ADAMTSL1: variants seen among roughly 807,000 people sequenced by gnomAD.
The protein encoded by ADAMTSL1 is ADAMTS like 1.
Under a neutral mutation model 201.8 loss-of-function variants are expected in ADAMTSL1, and 126 were observed. The ratio of observed to expected loss-of-function variants is 0.62; its 90% CI spans 0.54 to 0.72. The LOEUF (loss-of-function observed/expected upper bound fraction) is 0.72. Ranked by LOEUF, ADAMTSL1 falls within the 30% of genes least tolerant of loss-of-function variation. The pLI, the probability that ADAMTSL1 is intolerant of heterozygous loss-of-function variation, is 0.00. For synonymous variants in ADAMTSL1, 1,121 were observed against 903.4 expected, an observed-to-expected ratio of 1.24 and a Z score of -4.32; for missense variants, 2,679 against 2,277.8, an observed-to-expected ratio of 1.18 and a Z score of -3.59.
chr9:18,576,673 G>A (rs1376010160), intron 4 of ADAMTSL1, among the ~76,000 whole-genome samples: 2 of 152,050 alleles, frequency 1.3e-5, no homozygotes, highest in Non-Finnish European at 2.9e-5. Context: ...GGTGGCATGT[G>A]TTTGTTGTAA....
At chr9:18,517,291 C>G (rs1238383594) in intron 2 of ADAMTSL1, among the ~76,000 whole-genome samples, 2 of 151,886 alleles carry the variant, frequency 1.3e-5, no homozygotes, top group Non-Finnish European at 2.9e-5. Flanking sequence ...AAATGCATTG[C>G]AAGGACAAAC....
chr9:18,116,079 G>C (rs1366797043), intron 1 of ADAMTSL1, among the ~76,000 whole-genome samples: 1 of 152,240 alleles, frequency 6.6e-6, no homozygotes, highest in African/African-American at 2.4e-5. Flanking sequence ...GAGACCGTGG[G>C]TAATGTGACA....
rs980634512 is a variant in ADAMTSL1 at position 18,886,198 on chromosome 9, A to G, written c.4250-1633A>G. Among the ~76,000 whole-genome samples the G allele has an allele frequency of 4.1e-4, 56 of 136,022 alleles. 1 individual carries two copies. The East Asian group carries it at 9.0e-3, about 22-fold the overall frequency. The allele number at this position is 136,022 out of a possible 152,430, so 89.2% of individuals were successfully genotyped here. Reference sequence around the variant, plus strand: ...TATATATATATATATATATATATATATATATATATATATACACACACATAC... The same window carrying G: ...TATATATATATATATATATATATATGTATATATATATATACACACACATAC... On this transcript the variant is annotated intron_variant, in intron 23 of 28. Transcript: ENST00000380548.
chr9:18,138,147 G>T (rs1826237774), intron 1 of ADAMTSL1, among the ~76,000 whole-genome samples: 1 of 152,168 alleles, frequency 6.6e-6, no homozygotes, highest in South Asian at 2.1e-4. Context: ...TAAGGGAGGG[G>T]TGATGGAACT....
At chr9:18,722,775 G>A (rs1226342997) in intron 15 of ADAMTSL1, among the ~76,000 whole-genome samples, 4 of 152,138 alleles carry the variant, frequency 2.6e-5, no homozygotes, top group Non-Finnish European at 2.9e-5. Context: ...ATTCTCCAAG[G>A]CAACCATAAA....
Position 17,976,653 on chromosome 9 carries a change from T to TTC in ADAMTSL1, c.87+69742_87+69743dup, listed in dbSNP as rs1045140391. ...TTTTTGGTGAAGTCCTTAAGGTTCT[T>TTC]TCTCTCTCTCTCCACTCTCTCTTTC... On this transcript the variant is annotated intron_variant, in intron 1 of 29. Coordinates refer to the ADAMTSL1 transcript ENST00000680146. 3.0e-4 allele frequency among the ~76,000 whole-genome samples: 45 copies of TTC among 151,510 alleles called. 1 individual carries two copies. Among genetic ancestry groups the TTC allele is most frequent in the South Asian group, 2.1e-4 (1 of 4,790 alleles).
intron 2 of ADAMTSL1, among the ~76,000 whole-genome samples, chr9:18,191,499 T>A (rs1393362216): frequency 1.3e-5 from 2 of 152,156 alleles, no homozygotes; most frequent in African/African-American, 4.8e-5. Context: ...CCTCACAAGT[T>A]CAGCCTACAG....
intron 3 of ADAMTSL1, among the ~76,000 whole-genome samples, chr9:18,566,841 A>G (rs1821930176): frequency 1.3e-5 from 2 of 152,214 alleles, no homozygotes; most frequent in Admixed American, 1.3e-4. Context: ...AAGGGAAATT[A>G]GGAGACTATT....
chr9:18,832,281 C>G (rs1191203927), intron 23 of ADAMTSL1, among the ~76,000 whole-genome samples: 1 of 152,140 alleles, frequency 6.6e-6, no homozygotes, highest in Non-Finnish European at 1.5e-5. Flanking sequence ...ATCCCTGACT[C>G]CTATAGGTGG....
rs114444960 is a variant in ADAMTSL1 at position 18,164,753 on chromosome 9, C to T, written c.207+772C>T. On this transcript the variant is annotated intron_variant, in intron 2 of 29. Transcript: ENST00000680146. ...CAGAAAATAACATCTTAGAATACCC[C>T]CAAAACAAACATACAAGTGACTTTA... Among the ~76,000 whole-genome samples, 474 of 151,822 alleles carry T rather than the reference C, an allele frequency of 3.1e-3. 2 individuals carry two copies. The highest frequency in any genetic ancestry group is 0.01 in the African/African-American group (432 of 41,452).
intron 4 of ADAMTSL1, 96 bp from the exon 5 acceptor site, chr9:18,622,147 G>C: frequency 6.7e-7 from 1 of 1,488,730 alleles, no homozygotes; most frequent in Non-Finnish European, 9.1e-7. Context: ...GGCCCCTCAG[G>C]GATGAAGGGA....
intron 2 of ADAMTSL1, among the ~76,000 whole-genome samples, chr9:18,336,386 A>AAGTG (rs1835242931): frequency 6.6e-6 from 1 of 151,978 alleles, no homozygotes; most frequent in African/African-American, 2.4e-5. Flanking sequence ...ATCTAAGCTG[A>AAGTG]AGTGGAAAAA....
At chr9:18,734,120 T>C (rs770196014) in intron 15 of ADAMTSL1, among the ~76,000 whole-genome samples, 2 of 152,204 alleles carry the variant, frequency 1.3e-5, no homozygotes, top group Non-Finnish European at 2.9e-5. Flanking sequence ...AGGGCTTCAG[T>C]TTCTTCCTCT....
chr9:18,348,932 CTAAG>C (rs1455726800), intron 2 of ADAMTSL1, among the ~76,000 whole-genome samples: 13 of 152,128 alleles, frequency 8.5e-5, no homozygotes, highest in African/African-American at 2.4e-4. Context: ...AGTCATTTTA[CTAAG>C]TATTTACATA....
At chr9:17,947,204 A>G (rs1370674432) in intron 1 of ADAMTSL1, among the ~76,000 whole-genome samples, 2 of 151,182 alleles carry the variant, frequency 1.3e-5, no homozygotes, top group African/African-American at 4.8e-5. Context: ...TATATAAAGT[A>G]ATTAAAAACA....
chr9:18,174,421 G>A (rs1473630584), intron 2 of ADAMTSL1, among the ~76,000 whole-genome samples: 1 of 152,168 alleles, frequency 6.6e-6, no homozygotes, highest in African/African-American at 2.4e-5. Context: ...TCTGCACAGA[G>A]GGGTGCTGAG....
chr9:18,384,632 C>T (rs1242045679), intron 2 of ADAMTSL1, among the ~76,000 whole-genome samples: 1 of 152,140 alleles, frequency 6.6e-6, no homozygotes, highest in East Asian at 1.9e-4. Flanking sequence ...TCCTTTGCCT[C>T]CTGTAACTTC....
At chr9:18,260,739 A>T in intron 2 of ADAMTSL1, among the ~76,000 whole-genome samples, 1 of 152,168 alleles carries the variant, frequency 6.6e-6, no homozygotes, top group Non-Finnish European at 1.5e-5. Context: ...TCTCCGAGGC[A>T]CTAGTGTGCC....
At chr9:18,135,407 T>A (rs1430739383) in intron 1 of ADAMTSL1, among the ~76,000 whole-genome samples, 1 of 152,124 alleles carries the variant, frequency 6.6e-6, no homozygotes, top group African/African-American at 2.4e-5. Flanking sequence ...CTTAAAAAAA[T>A]ATATTTTCTG....
Sources: gnomAD v4.1 joint callset for allele counts (sites outside exome capture counted in the v4.1 genomes callset) on GRCh38, gnomAD v4.1.1 for gene constraint, MANE v1.5 for transcripts, NCBI Gene and HGNC (gene_info 2026-07-23, HGNC 2026-07-21) for gene names.